Variants in IRF1 observed in about 807,000 individuals in gnomAD.
IRF1 encodes the protein interferon regulatory factor 1, also known as interferon regulatory factor-1.
Under a neutral mutation model 43.7 loss-of-function variants are expected in IRF1, and 13 were observed. The observed-to-expected ratio is 0.30, with a 90% CI of 0.19 to 0.47. IRF1 has a LOEUF of 0.47. Ranked by LOEUF, IRF1 falls within the 20% of genes least tolerant of loss-of-function variation. The pLI, the probability that IRF1 is intolerant of heterozygous loss-of-function variation, is 0.99. For missense variants in IRF1, 236 were observed against 408.9 expected, an observed-to-expected ratio of 0.58 and a Z score of 3.65; for synonymous variants, 138 against 146.8, an observed-to-expected ratio of 0.94 and a Z score of 0.43.
Position 132,486,243 on chromosome 5 carries a change from G to A in IRF1, c.667+8C>T, listed in dbSNP as rs762615230. On this transcript the variant is annotated splice_region_variant and intron_variant, in intron 7 of 9. Coordinates refer to ENST00000245414, the MANE Select transcript of IRF1 (RefSeq NM_002198.3). ...CAAGCAGGCAGGCCAGGCCCCAGGA[G>A]CACCAACCTTCAGAGGTGGAGGGCA... is the stretch of plus-strand genomic sequence containing the variant. The A allele has an allele frequency of 1.2e-6, 2 of 1,612,876 alleles. No homozygotes were observed. The highest frequency in any genetic ancestry group is 1.3e-5 in the African/African-American group (1 of 75,026).
rs145347120 is a variant in IRF1, at chr5:132,483,210, C to G, written c.*741G>C. ...AGTCATACCAAGGCGCTCACACTTC[C>G]CTCCCTGGGCCTGTTGAGGGCTGCT... On this transcript the variant is annotated 3_prime_UTR_variant, in exon 10 of 10. Coordinates refer to ENST00000245414, the MANE Select transcript of IRF1 (RefSeq NM_002198.3). 7.8e-4 allele frequency: 119 copies of G among 152,912 alleles called. 2 individuals carry two copies. The highest frequency in any genetic ancestry group is 2.8e-3 in the African/African-American group (117 of 41,572). The allele number at this position is 152,912 out of a possible 1,614,324, so 9.5% of individuals were successfully genotyped here.
chr5:132,484,077 T>C lies in IRF1; in HGVS notation c.854-2A>G, dbSNP rs2126836269. 3 of 1,613,640 alleles carry C rather than the reference T, an allele frequency of 1.9e-6. No homozygotes were observed. Among genetic ancestry groups the C allele is most frequent in the Non-Finnish European group, 2.5e-6 (3 of 1,179,734 alleles). On this transcript the variant is annotated splice_acceptor_variant, in intron 9 of 9. Transcript: ENST00000245414. LOFTEE classifies it high-confidence loss of function. ...GCTGTAGACTCAGCCCAATATCCCC[T>C]AGAAGATGTGAAGAAGGTTGTATGA...
rs1219421872 is a variant in IRF1, at chr5:132,490,578, G to C, written c.-39C>G. ...CAGGAGCGATTCGGCGGTCGCGCGC[G>C]AGGGTCCCGGCGACGCAGGGGCTGC... On this transcript the variant is annotated 5_prime_UTR_variant, in exon 1 of 10. Transcript: ENST00000245414. This position sits in a 1 kb window ranked among gnomAD's most constrained non-coding sequence, Gnocchi z 5.8. 1 of 152,194 alleles carries C rather than the reference G, an allele frequency of 6.6e-6. No individual in the cohort carries two copies. The highest frequency in any genetic ancestry group is 2.4e-5 in the African/African-American group (1 of 41,458). The allele number at this position is 152,194 out of a possible 1,614,324, so 9.4% of individuals were successfully genotyped here. A position where few individuals can be genotyped will look rare whatever the true frequency, so the allele number is the denominator to read the frequency against.
intron 9 of IRF1, 143 bp downstream of exon 9, chr5:132,484,219 G>T: frequency 1.4e-6 from 2 of 1,436,396 alleles, no homozygotes; most frequent in Non-Finnish European, 1.9e-6. Context: ...AAACCTTAAG[G>T]CATGGCAGCC....
At chr5:132,485,357 G>T (rs996441287) in intron 8 of IRF1, 4 of 371,654 alleles carry the variant, frequency 1.1e-5, no homozygotes, top group Non-Finnish European at 2.0e-5. Flanking sequence ...GAACTAGCAG[G>T]GCTGGGGCAT....
In IRF1 at chr5:132,481,655, C is replaced by T. The variant is rs1292509285; in HGVS notation, c.*2296G>A. ...TTAAATGCAATTAAAAGTTCAATTCCTTATTGCACTGGCCACATTTCAAGT... is the reference window on the plus strand; with the variant it reads ...TTAAATGCAATTAAAAGTTCAATTCTTTATTGCACTGGCCACATTTCAAGT... On this transcript the variant is annotated 3_prime_UTR_variant, in exon 10 of 10. Transcript: ENST00000245414. The T allele has an allele frequency of 1.3e-5, 2 of 152,234 alleles. No individual in the cohort carries two copies. Among genetic ancestry groups the T allele is most frequent in the African/African-American group, 2.4e-5 (1 of 41,444 alleles). The allele number at this position is 152,234 out of a possible 1,614,324, so 9.4% of individuals were successfully genotyped here. A position where few individuals can be genotyped will look rare whatever the true frequency, so the allele number is the denominator to read the frequency against.
chr5:132,488,092 T>G, intron 2 of IRF1, 67 bp from the exon 3 acceptor site: 1 of 1,239,618 alleles, frequency 8.1e-7, no homozygotes, highest in Non-Finnish European at 1.2e-6. Flanking sequence ...GGGCTGAGTC[T>G]GAGACCCAGG....
chr5:132,485,341 T>C (rs1008403953), intron 8 of IRF1: 1 of 317,362 alleles, frequency 3.2e-6, no homozygotes, highest in African/African-American at 2.1e-5. Flanking sequence ...CTGATGTGCA[T>C]TTCCCGAACT....
chr5:132,485,477 C>T (rs909631783), intron 8 of IRF1, 190 bp downstream of exon 8: 4 of 653,238 alleles, frequency 6.1e-6, no homozygotes, highest in Non-Finnish European at 8.6e-6. Flanking sequence ...GGCCAGGCCT[C>T]CCACCTGCCT....
rs1467358307 is a variant in IRF1 at position 132,490,219 on chromosome 5, G to A, written c.-6+326C>T. ...GGCGCCCACGCGTGGGCTGACACTC[G>A]GTCCCCGGCACGGCGTGTGGATGCG... On this transcript the variant is annotated intron_variant, in intron 1 of 9. Transcript: ENST00000245414. The surrounding 1 kb of genome is among the most constrained non-coding windows in gnomAD (Gnocchi z 5.8). The A allele has an allele frequency of 1.3e-5, 2 of 152,210 alleles. No homozygotes were observed. The highest frequency in any genetic ancestry group is 4.8e-5 in the African/African-American group (2 of 41,464). The allele number at this position is 152,210 out of a possible 1,614,324, so 9.4% of individuals were successfully genotyped here.
intron 3 of IRF1, 32 bp downstream of exon 3, chr5:132,487,894 G>A (rs764376275): frequency 2.6e-6 from 4 of 1,520,544 alleles, no homozygotes; most frequent in Non-Finnish European, 3.7e-6. Context: ...TCTCTACCCT[G>A]GGCTTCCTAG....
At position 132,488,036 on chromosome 5, in the gene IRF1, C is replaced by T. The variant is rs768572080; in HGVS notation, c.88-11G>A. ...GAAGATCATCTCCTCCTGAACAATA[C>T]ACACATACACATAAGGCTGTGTCAG... is the stretch of plus-strand genomic sequence containing the variant. On this transcript the variant is annotated splice_polypyrimidine_tract_variant and intron_variant, in intron 2 of 9. Transcript: ENST00000245414. 8 of 1,586,708 alleles carry T rather than the reference C, an allele frequency of 5.0e-6. No homozygotes were observed. The highest frequency in any genetic ancestry group is 3.3e-5 in the Admixed American group (2 of 59,968).
intron 3 of IRF1, 98 bp downstream of exon 3, chr5:132,487,827 AG>A: frequency 1.3e-6 from 1 of 748,168 alleles, no homozygotes; most frequent in Non-Finnish European, 2.3e-6. Flanking sequence ...ATGTTGTCTC[AG>A]GGAGCTCAGG....
At chr5:132,486,118 T>C in intron 7 of IRF1, 133 bp downstream of exon 7, 6 of 1,255,832 alleles carry the variant, frequency 4.8e-6, no homozygotes, top group South Asian at 1.3e-5. Flanking sequence ...CCCCCTATGG[T>C]GGCTAAGACT....
chr5:132,485,330 C>A, intron 8 of IRF1: 1 of 295,200 alleles, frequency 3.4e-6, no homozygotes, highest in South Asian at 6.5e-5. Context: ...ATTATTGAAG[C>A]CTGATGTGCA....
In IRF1 at chr5:132,487,795, C is replaced by T. The variant is rs554514429; in HGVS notation, c.187+131G>A. On this transcript the variant is annotated intron_variant, in intron 3 of 9. Transcript: ENST00000245414. ...TCCAGAAACACAAGTCTGCCACCAGCCCCTCTTCCCAGTAATTCTGCATGT... is the reference window on the plus strand; with the variant it reads ...TCCAGAAACACAAGTCTGCCACCAGTCCCTCTTCCCAGTAATTCTGCATGT... 13 of 630,234 alleles carry T rather than the reference C, an allele frequency of 2.1e-5. No homozygotes were observed. In the East Asian group the frequency reaches 3.6e-4, roughly 17 times the overall value. 39.0% of individuals were successfully genotyped at this position (630,234 alleles called of 1,614,324 possible). A position where few individuals can be genotyped will look rare whatever the true frequency, so the allele number is the denominator to read the frequency against.
rs772196713 is a variant in IRF1, at chr5:132,489,464, C to A, written c.15G>T (p.Arg5=). 1 of 1,613,956 alleles carries A rather than the reference C, an allele frequency of 6.2e-7. No homozygotes were observed. The highest frequency in any genetic ancestry group is 1.1e-5 in the South Asian group (1 of 91,080). Residue 5 remains arginine, a synonymous_variant, in exon 2 of 10, where the codon CGG becomes CGT. Transcript: ENST00000245414. The stretch of plus-strand genomic sequence containing the variant: ...TCTCTAGCCAGGGTCTCATGCGCAT[C>A]CGAGTGATGGGCATGTTGGCTGTAA... The part of the protein sequence containing the change: MPIT[R]MRMRPWLEMQ...
chr5:132,490,367 C>G lies in IRF1; in HGVS notation c.-6+178G>C, dbSNP rs1160397825. On this transcript the variant is annotated intron_variant, in intron 1 of 9. Coordinates refer to ENST00000245414, the MANE Select transcript of IRF1 (RefSeq NM_002198.3). This position sits in a 1 kb window ranked among gnomAD's most constrained non-coding sequence, Gnocchi z 5.8. ...GGTCCACGCCGCGTCCCGCCCTCCC[C>G]GCGCCGCGGCCCGCGGCTCGCAGCT... 6.7e-6 allele frequency: 1 copy of G among 149,862 alleles called. No homozygotes were observed. Among genetic ancestry groups the G allele is most frequent in the African/African-American group, 2.4e-5 (1 of 41,238 alleles). 9.3% of individuals were successfully genotyped at this position (149,862 alleles called of 1,614,324 possible). A position where few individuals can be genotyped will look rare whatever the true frequency, so the allele number is the denominator to read the frequency against.
chr5:132,485,388 C>T, intron 8 of IRF1: 1 of 486,972 alleles, frequency 2.1e-6, no homozygotes, highest in Non-Finnish European at 3.8e-6. Flanking sequence ...AGGATGCAGG[C>T]CAGGGACCCA....
Sources: gnomAD v4.1 joint callset for allele counts on GRCh38, gnomAD v4.1.1 for gene constraint, Gnocchi (gnomAD v3.1) non-coding constraint, MANE v1.5 for transcripts, NCBI Gene and HGNC (gene_info 2026-07-23, HGNC 2026-07-21) for gene names.